The following PUS7L variants were observed in gnomAD, a reference collection of about 807,000 sequenced individuals.
PUS7L encodes pseudouridine synthase 7 like, also known as pseudouridylate synthase PUS7L.
In PUS7L, 49 loss-of-function variants were observed where a neutral mutation model predicts 51.1. The observed-to-expected ratio is 0.96, with a 90% CI of 0.76 to 1.22. The LOEUF (loss-of-function observed/expected upper bound fraction) is 1.22, where lower values mean the gene tolerates loss of function less well. PUS7L is among the 50% of genes most tolerant of loss of function. The pLI is 0.00. For synonymous variants in PUS7L, 277 were observed against 276.2 expected, an observed-to-expected ratio of 1.00 and a Z score of -0.03; for missense variants, 828 against 820.6, an observed-to-expected ratio of 1.01 and a Z score of -0.11.
At chr12:43,742,299 A>G (rs1414555280) in intron 5 of PUS7L, among the ~76,000 whole-genome samples, 158 bp downstream of exon 5, 2 of 152,248 alleles carry the variant, frequency 1.3e-5, no homozygotes, top group Admixed American at 6.5e-5. Context: ...GATATCAAGG[A>G]CAGAGCAGCA....
Position 43,754,812 on chromosome 12 carries a change from C to T in PUS7L, c.434G>A (p.Arg145Lys). ...CTCTGTTTTAGAAAGCCACTTCTCT[C>T]TTACATCACAGGCAAAATTATTCAG... ...ELLNNFACDV[R>K]EKWLSKTELI... is the part of the protein sequence containing the mutation. The change falls in exon 2 of 9, where the codon AGA (arginine) becomes AAA (lysine). Residue 145 changes from arginine to lysine, a missense_variant. Arg to Lys is a conservative substitution (Grantham distance 26). Coordinates refer to ENST00000344862, the MANE Select transcript of PUS7L (RefSeq NM_031292.5). The T allele has an allele frequency of 6.2e-7, 1 of 1,613,866 alleles. No homozygotes were observed. Among genetic ancestry groups the T allele is most frequent in the South Asian group, 1.1e-5 (1 of 91,062 alleles).
At position 43,738,447 on chromosome 12, in the gene PUS7L, TA is replaced by T. The variant is rs1937722237; in HGVS notation, c.1363-57del. The T allele has an allele frequency of 6.6e-6, 6 of 904,202 alleles. No homozygotes were observed. The South Asian group carries it at 8.5e-5, about 13-fold the overall frequency. The allele number at this position is 904,202 out of a possible 1,614,324, so 56.0% of individuals were successfully genotyped here. A position where few individuals can be genotyped will look rare whatever the true frequency, so the allele number is the denominator to read the frequency against. ...AATGAAAATGTCAAATTACTTTCTT[TA>T]AAAAAAGATGCAAATTCTCTAGCAT... On this transcript the variant is annotated intron_variant, in intron 5 of 8. Transcript: ENST00000344862.
chr12:43,753,447 C>T (rs1769541498), intron 2 of PUS7L, among the ~76,000 whole-genome samples: 2 of 152,150 alleles, frequency 1.3e-5, no homozygotes. Flanking sequence ...TTCCAAGGTC[C>T]AAACTCTTTT....
At position 43,730,159 on chromosome 12, in the gene PUS7L, A is replaced by G. The variant is rs74085315; in HGVS notation, c.*217T>C. Reference sequence around the variant, plus strand: ...CACTGAAACATATAATAGAAAAAAAACACAGGCTTTGGGGTCACATGGACC... The same window carrying G: ...CACTGAAACATATAATAGAAAAAAAGCACAGGCTTTGGGGTCACATGGACC... On this transcript the variant is annotated 3_prime_UTR_variant, in exon 9 of 9. Transcript: ENST00000344862. The G allele has an allele frequency of 0.063, 32,262 of 513,044 alleles. 1,258 individuals are homozygous for G. The highest frequency in any genetic ancestry group is 0.1 in the Middle Eastern group (201 of 1,950). 31.8% of individuals were successfully genotyped at this position (513,044 alleles called of 1,614,324 possible). A position where few individuals can be genotyped will look rare whatever the true frequency, so the allele number is the denominator to read the frequency against.
chr12:43,755,397 T>G, intron 1 of PUS7L, 136 bp from the exon 2 acceptor site: 1 of 590,044 alleles, frequency 1.7e-6, no homozygotes, highest in Non-Finnish European at 2.9e-6. Context: ...ATCATTAACT[T>G]AATTTATAAC....
Position 43,732,701 on chromosome 12 carries a change from G to A in PUS7L, c.1726-943C>T, listed in dbSNP as rs147875322. On this transcript the variant is annotated intron_variant, in intron 7 of 8. Coordinates refer to ENST00000344862, the MANE Select transcript of PUS7L (RefSeq NM_031292.5). ...CATATTCCTAAAGCATTCATCACAC[G>A]GTACAGTGTCTAGAGCCCCTCTAAA... 2.5e-3 allele frequency among the ~76,000 whole-genome samples: 378 copies of A among 152,286 alleles called. 3 individuals are homozygous for A. In the Middle Eastern group the frequency reaches 0.031, roughly 12 times the overall value.
At chr12:43,740,660 C>T (rs535524064) in intron 5 of PUS7L, among the ~76,000 whole-genome samples, 43 of 152,104 alleles carry the variant, frequency 2.8e-4, no homozygotes, top group African/African-American at 1.0e-3. Flanking sequence ...CCAATGCTCT[C>T]CATCACTTGG....
In PUS7L at chr12:43,727,405, T is replaced by A. The variant is rs192304529; in HGVS notation, c.*2971A>T. ...CACGCCTATGTTCATTACAGCACTA[T>A]TGACAATAGCAAAGACATGGAACCA... On this transcript the variant is annotated 3_prime_UTR_variant, in exon 9 of 9. Coordinates refer to ENST00000344862, the MANE Select transcript of PUS7L (RefSeq NM_031292.5). 6.6e-6 allele frequency: 1 copy of A among 152,238 alleles called. No homozygotes were observed. Among genetic ancestry groups the A allele is most frequent in the Non-Finnish European group, 1.5e-5 (1 of 68,014 alleles). The allele number at this position is 152,238 out of a possible 1,614,324, so 9.4% of individuals were successfully genotyped here.
intron 4 of PUS7L, among the ~76,000 whole-genome samples, chr12:43,744,337 C>T (rs1381444902): frequency 1.3e-5 from 2 of 152,132 alleles, no homozygotes; most frequent in Non-Finnish European, 2.9e-5. Context: ...ATTATGGGGT[C>T]GGTTTTACCC....
chr12:43,734,384 C>T (rs557920398), intron 7 of PUS7L, among the ~76,000 whole-genome samples: 5 of 151,910 alleles, frequency 3.3e-5, no homozygotes, highest in South Asian at 2.1e-4. Context: ...AAAAGGAGAT[C>T]GTTTAGGACA....
intron 2 of PUS7L, among the ~76,000 whole-genome samples, chr12:43,751,005 T>C (rs1938414131): frequency 6.6e-6 from 1 of 152,136 alleles, no homozygotes. Context: ...TTAAATGCTA[T>C]GTATTATTTA....
At position 43,757,991 on chromosome 12, in the gene PUS7L, G is replaced by A. The variant is rs1158256299; in HGVS notation, c.-17+739C>T. On this transcript the variant is annotated intron_variant, in intron 1 of 8. Coordinates refer to ENST00000344862, the MANE Select transcript of PUS7L (RefSeq NM_031292.5). ...AGAATCTATTGGGTGGTCAATGGAT[G>A]GCTACTGTTAGTGTTTGAGTAGAAA... 3.3e-5 allele frequency among the ~76,000 whole-genome samples: 5 copies of A among 152,154 alleles called. No homozygotes were observed. In the South Asian group the frequency reaches 8.3e-4, roughly 25 times the overall value.
intron 6 of PUS7L, 128 bp from the exon 7 acceptor site, chr12:43,736,789 T>A: frequency 1.4e-6 from 1 of 739,764 alleles, no homozygotes. Flanking sequence ...CACTTTCAGT[T>A]AAACCTAGCT....
At position 43,721,948 on chromosome 12, in the gene PUS7L, G is replaced by A. The variant is rs1944402066; in HGVS notation, c.*8428C>T. Reference sequence around the variant, plus strand: ...CATATAGTCTATTCAGTGTTCCCAAGGGAAAAATAAATTACCTTCAGGTTA... The same window carrying A: ...CATATAGTCTATTCAGTGTTCCCAAAGGAAAAATAAATTACCTTCAGGTTA... On this transcript the variant is annotated 3_prime_UTR_variant, in exon 9 of 9. Transcript: ENST00000344862. 1 of 152,068 alleles carries A rather than the reference G, an allele frequency of 6.6e-6. No individual in the cohort carries two copies. The highest frequency in any genetic ancestry group is 2.4e-5 in the African/African-American group (1 of 41,410). The allele number at this position is 152,068 out of a possible 1,614,324, so 9.4% of individuals were successfully genotyped here. A position where few individuals can be genotyped will look rare whatever the true frequency, so the allele number is the denominator to read the frequency against.
In PUS7L at chr12:43,726,006, A is replaced by G. The variant is rs953159545; in HGVS notation, c.*4370T>C. 1 of 152,206 alleles carries G rather than the reference A, an allele frequency of 6.6e-6. No individual in the cohort carries two copies. The highest frequency in any genetic ancestry group is 2.4e-5 in the African/African-American group (1 of 41,452). 9.4% of individuals were successfully genotyped at this position (152,206 alleles called of 1,614,324 possible). A position where few individuals can be genotyped will look rare whatever the true frequency, so the allele number is the denominator to read the frequency against. ...AAAATCAAGGTGTTTTAATTTTAAT[A>G]TTAGTAAAAGACCTCAATTTGTTTC... On this transcript the variant is annotated 3_prime_UTR_variant, in exon 9 of 9. Coordinates refer to ENST00000344862, the MANE Select transcript of PUS7L (RefSeq NM_031292.5).
rs1410556616 is a variant in PUS7L, at chr12:43,748,539, A to G, written c.981T>C (p.Val327=). The change falls in exon 3 of 9, where the codon GTT becomes GTC. Residue 327 remains valine, a synonymous_variant. Transcript: ENST00000344862. ...AIGFLAIKLG[V]IPSDFSYAGL... ...CTGCATAACTAAAATCCGAAGGAAT[A>G]ACACCAAGTTTGATAGCTAAAAAAC... The G allele has an allele frequency of 1.9e-6, 3 of 1,612,356 alleles. No homozygotes were observed. Among genetic ancestry groups the G allele is most frequent in the African/African-American group, 1.3e-5 (1 of 74,954 alleles).
intron 1 of PUS7L, among the ~76,000 whole-genome samples, chr12:43,756,823 C>A (rs1328938663): frequency 6.6e-6 from 1 of 152,188 alleles, no homozygotes; most frequent in East Asian, 1.9e-4. Flanking sequence ...GTCCCTAACT[C>A]CTGCTTCTAT....
At chr12:43,745,943 A>G (rs1938146427) in intron 4 of PUS7L, 103 bp downstream of exon 4, 2 of 563,298 alleles carry the variant, frequency 3.6e-6, no homozygotes, top group East Asian at 3.3e-5. Flanking sequence ...TAAAAATCCC[A>G]TAAAAAGGTA....
At position 43,729,856 on chromosome 12, in the gene PUS7L, G is replaced by C. The variant is rs1944509351; in HGVS notation, c.*520C>G. ...TCACAAAGAGGTAATAACTACTCTG[G>C]GGTATCTATCACAAACAGAGGTATG... is the stretch of plus-strand genomic sequence containing the variant. On this transcript the variant is annotated 3_prime_UTR_variant, in exon 9 of 9. Coordinates refer to ENST00000344862, the MANE Select transcript of PUS7L (RefSeq NM_031292.5). 1 of 153,546 alleles carries C rather than the reference G, an allele frequency of 6.5e-6. No homozygotes were observed. Among genetic ancestry groups the C allele is most frequent in the Non-Finnish European group, 1.4e-5 (1 of 69,024 alleles). The allele number at this position is 153,546 out of a possible 1,614,324, so 9.5% of individuals were successfully genotyped here. A position where few individuals can be genotyped will look rare whatever the true frequency, so the allele number is the denominator to read the frequency against.
Sources: gnomAD v4.1 joint callset for allele counts (sites outside exome capture counted in the v4.1 genomes callset) on GRCh38, gnomAD v4.1.1 for gene constraint, MANE v1.5 for transcripts, NCBI Gene and HGNC (gene_info 2026-07-23, HGNC 2026-07-21) for gene names.